Variants in FIBP observed in about 807,000 individuals in gnomAD.
FIBP encodes acidic fibroblast growth factor intracellular-binding protein.
FIBP carries 29 observed loss-of-function variants against 40.5 expected under a neutral mutation model. The ratio of observed to expected loss-of-function variants is 0.72; its 90% confidence interval spans 0.53 to 0.98. The LOEUF is 0.98. Among genes scored for constraint, FIBP ranks in the 50% least tolerant of loss-of-function variants. The pLI is 0.00. For synonymous variants in FIBP, 215 were observed against 191.1 expected, an observed-to-expected ratio of 1.13 and a Z score of -1.03; for missense variants, 411 against 470.2, an observed-to-expected ratio of 0.87 and a Z score of 1.16.
At position 65,888,119 on chromosome 11, in the gene FIBP, C is replaced by T. The variant is rs1318639574; in HGVS notation, c.99G>A (p.Val33=). The stretch of plus-strand genomic sequence containing the variant: ...GGATTCCCGAGCGCACCCGCAGGGC[C>T]ACCGCGTCGGTCACTGGAAAGCGGA... ...WLDGYSVTDA[V]ALRVRSGILE... The change falls in exon 2 of 10, where the codon GTG becomes GTA. Residue 33 remains valine, a synonymous_variant. Coordinates refer to ENST00000357519, the MANE Select transcript of FIBP (RefSeq NM_004214.5). The T allele has an allele frequency of 2.5e-6, 4 of 1,575,890 alleles. No individual in the cohort carries two copies. The highest frequency in any genetic ancestry group is 1.7e-6 in the Non-Finnish European group (2 of 1,164,276).
At chr11:65,884,316 G>A in intron 9 of FIBP, 76 bp downstream of exon 9, 1 of 1,341,972 alleles carries the variant, frequency 7.5e-7, no homozygotes, top group East Asian at 2.4e-5. Context: ...GGAACCTTGA[G>A]TCTGCAGGAG....
chr11:65,887,531 G>C, intron 3 of FIBP, 69 bp downstream of exon 3: 2 of 1,538,818 alleles, frequency 1.3e-6, no homozygotes, highest in Non-Finnish European at 1.8e-6. Context: ...GGCTGGAACT[G>C]GGCCAGTGGC....
rs1355774090 is a variant in FIBP, at chr11:65,884,950, C to T, written c.804G>A (p.Met268Ile). The change falls in exon 7 of 10, where the codon ATG becomes ATA. Residue 268 changes from methionine (M) to isoleucine (I), a missense_variant. By Grantham distance (10) the Met-to-Ile change is conservative (BLOSUM62 1). Coordinates refer to ENST00000357519, the MANE Select transcript of FIBP (RefSeq NM_004214.5). ...GACCACAGACCTTGAAGTTGGCTTCCATCTCAGAGAAGACGCCCAGCTTTC... is the reference window on the plus strand; with the variant it reads ...GACCACAGACCTTGAAGTTGGCTTCTATCTCAGAGAAGACGCCCAGCTTTC... ...LRGKLGVFSE[M>I]EANFKNLSRG... is the part of the protein sequence containing the mutation. The T allele has an allele frequency of 1.2e-6, 2 of 1,614,074 alleles. No individual in the cohort carries two copies. Among genetic ancestry groups the T allele is most frequent in the African/African-American group, 2.7e-5 (2 of 74,928 alleles).
chr11:65,884,290 CA>C, intron 9 of FIBP, 101 bp downstream of exon 9: 2 of 1,116,654 alleles, frequency 1.8e-6, no homozygotes, highest in South Asian at 2.7e-5. Flanking sequence ...GTCCCACCCC[CA>C]GGGTAGCAGA....
At chr11:65,885,985 C>G (rs1364276831) in intron 4 of FIBP, 2 of 438,054 alleles carry the variant, frequency 4.6e-6, no homozygotes, top group East Asian at 4.0e-5. Context: ...CTGGACTGTG[C>G]TTTGAATCCA....
In FIBP at chr11:65,883,984, T is replaced by C. The variant is rs376028477; in HGVS notation, c.1064A>G (p.Tyr355Cys). ...GTLRGCLLRL[Y>C]HD ...GCGTTGGGAGGCACCTCAGTCATGA[T>C]ACAGGCGCAGGAGGCAGCCGCGGAG... Residue 355 changes from tyrosine (Y) to cysteine (C), a missense_variant, in exon 10 of 10, where the codon TAT (tyrosine) becomes TGT (cysteine). By Grantham distance (194) the Tyr-to-Cys change is radical. Transcript: ENST00000357519. The C allele has an allele frequency of 9.9e-6, 16 of 1,613,838 alleles. No homozygotes were observed. Among genetic ancestry groups the C allele is most frequent in the Middle Eastern group, 1.6e-4 (1 of 6,084 alleles).
chr11:65,886,480 C>T (rs1860242063), intron 3 of FIBP, 58 bp from the exon 4 acceptor site: 2 of 1,093,806 alleles, frequency 1.8e-6, no homozygotes, highest in Non-Finnish European at 2.8e-6. Flanking sequence ...GTGTCGCTCA[C>T]CCAATAAACC....
intron 7 of FIBP, 119 bp from the exon 8 acceptor site, chr11:65,884,775 C>A: frequency 7.6e-7 from 1 of 1,316,414 alleles, no homozygotes; most frequent in Non-Finnish European, 1.1e-6. Flanking sequence ...CTCCATCAAC[C>A]AAGTCCCCAT....
intron 4 of FIBP, chr11:65,886,008 C>A: frequency 6.7e-6 from 3 of 449,988 alleles, no homozygotes; most frequent in African/African-American, 2.0e-5. Context: ...TCAGTCTGGT[C>A]CAAAGTACAG....
At chr11:65,886,151 AGT>A in intron 4 of FIBP, 169 bp downstream of exon 4, 3 of 547,718 alleles carry the variant, frequency 5.5e-6, no homozygotes, top group Non-Finnish European at 9.7e-6. Context: ...GGGCAACAAG[AGT>A]GAAACTCCGT....
chr11:65,884,764 C>T, intron 7 of FIBP, 108 bp from the exon 8 acceptor site: 1 of 1,321,722 alleles, frequency 7.6e-7, no homozygotes, highest in Non-Finnish European at 1.1e-6. Flanking sequence ...CATCCACCTC[C>T]CTCCATCAAC....
intron 3 of FIBP, 80 bp from the exon 4 acceptor site, chr11:65,886,502 ATC>A: frequency 1.1e-6 from 1 of 898,670 alleles, no homozygotes; most frequent in Non-Finnish European, 1.9e-6. Context: ...CTTATTGAAC[ATC>A]TCTCCCTTCC....
intron 3 of FIBP, 123 bp downstream of exon 3, chr11:65,887,477 G>T: frequency 1.9e-6 from 2 of 1,076,296 alleles, no homozygotes; most frequent in Non-Finnish European, 2.8e-6. Context: ...GGGGAAAGGG[G>T]AAGGGAGGAG....
chr11:65,884,776 A>G, intron 7 of FIBP, 120 bp from the exon 8 acceptor site: 4 of 1,312,160 alleles, frequency 3.0e-6, no homozygotes, highest in South Asian at 1.2e-5. Flanking sequence ...TCCATCAACC[A>G]AGTCCCCATT....
chr11:65,887,568 G>A, intron 3 of FIBP, 32 bp downstream of exon 3: 1 of 1,612,168 alleles, frequency 6.2e-7, no homozygotes, highest in Non-Finnish European at 8.5e-7. Context: ...AGTGTAGATG[G>A]GATGCTGTGT....
chr11:65,886,229 C>A, intron 4 of FIBP, 93 bp downstream of exon 4: 1 of 732,210 alleles, frequency 1.4e-6, no homozygotes, highest in Non-Finnish European at 2.5e-6. Context: ...CCCCAGCATA[C>A]TCAGGAGGTC....
intron 4 of FIBP, 181 bp from the exon 5 acceptor site, chr11:65,885,844 C>T (rs1860221890): frequency 3.3e-6 from 2 of 606,202 alleles, no homozygotes; most frequent in African/African-American, 3.7e-5. Context: ...AAGGTTCCAG[C>T]TCAAGTTTAC....
Position 65,888,064 on chromosome 11 carries a change from G to A in FIBP, c.154C>T (p.Leu52=), listed in dbSNP as rs777126480. 1 of 1,609,024 alleles carries A rather than the reference G, an allele frequency of 6.2e-7. No individual in the cohort carries two copies. Among genetic ancestry groups the A allele is most frequent in the East Asian group, 2.2e-5 (1 of 44,768 alleles). ...TAATGGTCCATGGTGTCGCTCTGCA[G>A]CACCGCTGCCGTGGCGCCAGTCTGC... The part of the protein sequence containing the change: ...LEQTGATAAV[L]QSDTMDHYRT... Residue 52 remains leucine (L), a synonymous_variant, in exon 2 of 10, where the codon CTG becomes TTG. Transcript: ENST00000357519.
In FIBP at chr11:65,886,332, G is replaced by T. The variant is rs144305863; in HGVS notation, c.502C>A (p.Arg168=). Residue 168 remains arginine (R), a synonymous_variant, in exon 4 of 10, where the codon CGG becomes AGG. Transcript: ENST00000357519. ...NIQQHFLLSD[R]LARDYAAIVF... is the part of the protein sequence containing the mutation. ...TGGCTAGCTCCTCACCTGGCCAACC[G>T]GTCAGAGAGGAGGAAGTGTTGCTGA... 1 of 1,613,044 alleles carries T rather than the reference G, an allele frequency of 6.2e-7. No individual in the cohort carries two copies. The highest frequency in any genetic ancestry group is 2.2e-5 in the East Asian group (1 of 44,860).
Sources: gnomAD v4.1 joint callset for allele counts on GRCh38, gnomAD v4.1.1 for gene constraint, MANE v1.5 for transcripts, NCBI Gene and HGNC (gene_info 2026-07-23, HGNC 2026-07-21) for gene names.